HEXB: variants seen among roughly 807,000 people sequenced by gnomAD.
HEXB encodes the protein beta-hexosaminidase subunit beta.
In HEXB, 51 loss-of-function variants were observed where a neutral mutation model predicts 71.2. That is an observed-to-expected ratio of 0.72 (90% CI 0.57 to 0.90). The LOEUF is 0.90. Among genes scored for constraint, HEXB ranks in the 40% least tolerant of loss-of-function variants. The pLI is 0.00. For missense variants in HEXB, 617 were observed against 677.0 expected (o/e 0.91, Z 0.98); for synonymous variants, 266 against 249.3 (o/e 1.07, Z -0.63).
chr5:74,713,513 ATTCT>A lies in HEXB; in HGVS notation c.782_785del (p.Ser261CysfsTer13), dbSNP rs1312009126. ...TAAATATGGCTTTTACAGGGAAGCT[ATTCT>A]TTGTCTCATGTTTATACACCAAATG... is the stretch of plus-strand genomic sequence containing the variant. On this transcript the variant is annotated frameshift_variant, in exon 7 of 14. Coordinates refer to ENST00000261416, the MANE Select transcript of HEXB (RefSeq NM_000521.4). LOFTEE classifies it high-confidence loss of function. The A allele has an allele frequency of 1.9e-6, 3 of 1,611,274 alleles. No homozygotes were observed. Among genetic ancestry groups the A allele is most frequent in the South Asian group, 1.1e-5 (1 of 91,030 alleles).
chr5:74,714,296 G>T (rs1749623114), intron 7 of HEXB, among the ~76,000 whole-genome samples: 1 of 152,198 alleles, frequency 6.6e-6, no homozygotes, highest in Admixed American at 6.5e-5. Context: ...TTGTGAGCAA[G>T]TCATTGTGAT....
chr5:74,702,992 G>T (rs1749299179), intron 5 of HEXB, among the ~76,000 whole-genome samples: 1 of 152,108 alleles, frequency 6.6e-6, no homozygotes, highest in Non-Finnish European at 1.5e-5. Context: ...CGCTCTTGTC[G>T]CCCAGGCTGG....
chr5:74,642,999 C>G (rs1020405452), intron 1 of HEXB, among the ~76,000 whole-genome samples: 1 of 152,140 alleles, frequency 6.6e-6, no homozygotes, highest in East Asian at 1.9e-4. Flanking sequence ...TCATCTGCCT[C>G]GGGGAGATAA....
At chr5:74,711,846 G>C (rs911227189) in intron 6 of HEXB, among the ~76,000 whole-genome samples, 1 of 151,826 alleles carries the variant, frequency 6.6e-6, no homozygotes, top group Non-Finnish European at 1.5e-5. Flanking sequence ...CTGTAAACTA[G>C]TTCAACCATT....
At chr5:74,663,196 G>C (rs76169096) in intron 1 of HEXB, among the ~76,000 whole-genome samples, 1 of 149,990 alleles carries the variant, frequency 6.7e-6, no homozygotes, top group Non-Finnish European at 1.5e-5. Context: ...TTTTTTGGGG[G>C]GGTGGAGTGC....
chr5:74,661,561 G>C (rs201290828), intron 1 of HEXB, among the ~76,000 whole-genome samples: 48,184 of 137,922 alleles, frequency 0.35, 9,908 homozygotes, highest in African/African-American at 0.58. Flanking sequence ...GTGTGTGTGT[G>C]TGTCTCTCTC....
At chr5:74,699,021 TA>T (rs1450304088) in intron 5 of HEXB, among the ~76,000 whole-genome samples, 1 of 151,874 alleles carries the variant, frequency 6.6e-6, no homozygotes, top group East Asian at 2.0e-4. Context: ...CCATCTCTAC[TA>T]AAAATACAAA....
intron 5 of HEXB, among the ~76,000 whole-genome samples, chr5:74,699,197 A>C (rs918696478): frequency 6.6e-6 from 1 of 152,122 alleles, no homozygotes; most frequent in Non-Finnish European, 1.5e-5. Flanking sequence ...ACAAACAAAC[A>C]AAATGAATAT....
chr5:74,666,802 A>G (rs192593334), intron 1 of HEXB, among the ~76,000 whole-genome samples: 6 of 152,328 alleles, frequency 3.9e-5, no homozygotes, highest in African/African-American at 1.4e-4. Context: ...TTCTGAAGCT[A>G]GAAGAGTGAA....
At chr5:74,711,918 A>G (rs1045252926) in intron 6 of HEXB, among the ~76,000 whole-genome samples, 16 of 150,328 alleles carry the variant, frequency 1.1e-4, no homozygotes, top group Non-Finnish European at 2.1e-4. Flanking sequence ...TGACCCAGCC[A>G]TCCCATTACT....
rs80016721 is a variant in HEXB, at chr5:74,666,748, A to T, written c.-376-22580A>T. The stretch of plus-strand genomic sequence containing the variant: ...TATCAATCAACCTGCTCAGAGCAGA[A>T]ATAGGGACTAGAAAGGGGAGCAGAA... On this transcript the variant is annotated intron_variant, in intron 1 of 13. Coordinates refer to the HEXB transcript ENST00000511181. Among the ~76,000 whole-genome samples, 392 of 152,280 alleles carry T rather than the reference A, an allele frequency of 2.6e-3. 1 individual carries two copies. The highest frequency in any genetic ancestry group is 8.8e-3 in the African/African-American group (366 of 41,540).
chr5:74,681,454 T>C (rs1017434710), upstream of HEXB, among the ~76,000 whole-genome samples: 2 of 152,144 alleles, frequency 1.3e-5, no homozygotes, highest in East Asian at 3.8e-4. Flanking sequence ...GCTGGGTGTA[T>C]TGGTATAGGC....
At chr5:74,661,995 C>T (rs919470144) in intron 1 of HEXB, among the ~76,000 whole-genome samples, 4 of 152,168 alleles carry the variant, frequency 2.6e-5, no homozygotes, top group Non-Finnish European at 5.9e-5. Context: ...CCTACGATTA[C>T]GAGAGGAATA....
intron 1 of HEXB, among the ~76,000 whole-genome samples, chr5:74,648,973 T>C (rs981080773): frequency 3.9e-5 from 6 of 152,066 alleles, no homozygotes. Flanking sequence ...GGTAAAGCAA[T>C]AGTGCCCTCT....
intron 6 of HEXB, among the ~76,000 whole-genome samples, chr5:74,707,997 C>T (rs1368585597): frequency 6.6e-6 from 1 of 151,920 alleles, no homozygotes; most frequent in Non-Finnish European, 1.5e-5. Flanking sequence ...GTCAGATTCA[C>T]CAAAGTTGAA....
rs183767027 is a variant in HEXB at position 74,672,144 on chromosome 5, T to C, written c.-376-17184T>C. Among the ~76,000 whole-genome samples the C allele has an allele frequency of 1.1e-3, 170 of 152,310 alleles. 2 individuals are homozygous for C. Among genetic ancestry groups the C allele is most frequent in the Admixed American group, 9.3e-3 (142 of 15,302 alleles). ...CCACCCTGACCCCTCTCTAGCGTCA[T>C]GACTTTGTGAACTGTCAAAGTGGTC... is the stretch of plus-strand genomic sequence containing the variant. On this transcript the variant is annotated intron_variant, in intron 1 of 13. Transcript: ENST00000511181.
At chr5:74,720,341 A>G in intron 11 of HEXB, 87 bp from the exon 12 acceptor site, 3 of 1,005,562 alleles carry the variant, frequency 3.0e-6, no homozygotes, top group Non-Finnish European at 3.2e-6. Flanking sequence ...GCCCTAGGAT[A>G]AAGATGGAGG....
intron 1 of HEXB, among the ~76,000 whole-genome samples, chr5:74,677,487 C>CTT (rs1561210601): frequency 1.2e-4 from 15 of 129,966 alleles, no homozygotes; most frequent in African/African-American, 4.0e-4. Flanking sequence ...TTTTCTTCTT[C>CTT]TTCTTTTTTT....
intron 1 of HEXB, among the ~76,000 whole-genome samples, chr5:74,658,984 G>T (rs970515414): frequency 1.3e-5 from 2 of 152,130 alleles, no homozygotes; most frequent in African/African-American, 4.8e-5. Context: ...ACCATGAGAA[G>T]ACTGGAGCTT....
Sources: allele counts gnomAD v4.1 joint callset (sites outside exome capture counted in the v4.1 genomes callset), GRCh38; gene constraint gnomAD v4.1.1; transcripts MANE v1.5; gene names NCBI Gene and HGNC (gene_info 2026-07-23, HGNC 2026-07-21).